The following MAD1L1 variants were observed in gnomAD, a reference collection of about 807,000 sequenced individuals.
The protein encoded by MAD1L1 is mitotic arrest deficient 1 like 1, also known as mitotic spindle assembly checkpoint protein MAD1.
Under a neutral mutation model 96.9 loss-of-function variants are expected in MAD1L1, and 95 were observed. The ratio of observed to expected loss-of-function variants is 0.98; its 90% CI spans 0.83 to 1.16. The LOEUF is 1.16. MAD1L1 is among the 50% of genes most tolerant of loss of function. The pLI is 0.00. For synonymous variants in MAD1L1, 473 were observed against 396.6 expected (o/e 1.19, Z -2.29); for missense variants, 1,007 against 954.4 (o/e 1.06, Z -0.73).
At chr7:1,975,563 A>C (rs1251642813) in intron 15 of MAD1L1, among the ~76,000 whole-genome samples, 4 of 152,212 alleles carry the variant, frequency 2.6e-5, no homozygotes, top group Admixed American at 2.0e-4. Flanking sequence ...ACCTCTATGT[A>C]GTTTCATGAG....
chr7:2,009,529 G>A (rs1401694556), intron 13 of MAD1L1, among the ~76,000 whole-genome samples: 1 of 152,196 alleles, frequency 6.6e-6, no homozygotes, highest in Non-Finnish European at 1.5e-5. Context: ...GCACACCACA[G>A]GGTCCCCACA....
At chr7:1,950,755 G>A (rs1779455876) in intron 16 of MAD1L1, among the ~76,000 whole-genome samples, 1 of 152,238 alleles carries the variant, frequency 6.6e-6, no homozygotes, top group South Asian at 2.1e-4. Context: ...CGTTGGCAAA[G>A]CTCAGCATGG....
intron 15 of MAD1L1, among the ~76,000 whole-genome samples, chr7:1,975,101 CCCAGCCAGGTGGAGGCAGCTCA>C (rs1218936141): frequency 6.6e-6 from 1 of 152,252 alleles, no homozygotes; most frequent in East Asian, 1.9e-4. Context: ...GACAGTGCTG[CCCAGCCAGGTGGAGGCAGCTCA>C]CCAGCCTTCA....
At chr7:2,080,010 G>A (rs568690409) in intron 11 of MAD1L1, 4 of 305,940 alleles carry the variant, frequency 1.3e-5, no homozygotes, top group East Asian at 2.0e-4. Flanking sequence ...CCATCCGTGC[G>A]TCCGTCAACC....
intron 12 of MAD1L1, among the ~76,000 whole-genome samples, chr7:2,060,748 C>T (rs1784628489): frequency 6.6e-6 from 1 of 152,198 alleles, no homozygotes; most frequent in South Asian, 2.1e-4. Context: ...GCTGCCAGAT[C>T]AACAGCATGT....
At chr7:2,010,298 G>C (rs1451500728) in intron 13 of MAD1L1, among the ~76,000 whole-genome samples, 1 of 152,060 alleles carries the variant, frequency 6.6e-6, no homozygotes, top group Non-Finnish European at 1.5e-5. Context: ...GAGGTCACGG[G>C]GAGGAAGGGA....
chr7:2,132,823 C>A (rs1788581660), intron 11 of MAD1L1, among the ~76,000 whole-genome samples: 1 of 152,212 alleles, frequency 6.6e-6, no homozygotes, highest in African/African-American at 2.4e-5. Context: ...GGTTCCCGAC[C>A]CCTCCAAATC....
intron 16 of MAD1L1, among the ~76,000 whole-genome samples, chr7:1,941,677 G>A (rs954388221): frequency 3.9e-5 from 6 of 152,342 alleles, no homozygotes; most frequent in African/African-American, 1.2e-4. Context: ...GGCCAAGGTC[G>A]GCGCAGGTTC....
chr7:2,139,483 T>G (rs1788919527), intron 11 of MAD1L1, among the ~76,000 whole-genome samples: 1 of 152,138 alleles, frequency 6.6e-6, no homozygotes, highest in Admixed American at 6.5e-5. Flanking sequence ...CTGCCTCTGG[T>G]CTCAGGAGGA....
At chr7:2,203,814 T>C (rs925278386) in intron 10 of MAD1L1, among the ~76,000 whole-genome samples, 11 of 152,306 alleles carry the variant, frequency 7.2e-5, no homozygotes, top group Admixed American at 5.9e-4. Context: ...TCATCAGGCA[T>C]TGCCTAGAAA....
chr7:1,849,212 CT>C (rs1463641627), intron 18 of MAD1L1: 1 of 151,894 alleles, frequency 6.6e-6, no homozygotes, highest in African/African-American at 2.4e-5. Flanking sequence ...CTGTCGAGGG[CT>C]TCTTCACTCA....
chr7:1,907,306 C>T (rs1257218396), intron 17 of MAD1L1, among the ~76,000 whole-genome samples: 3 of 152,250 alleles, frequency 2.0e-5, no homozygotes, highest in Non-Finnish European at 4.4e-5. Flanking sequence ...GGACCCCAAG[C>T]CCCAGACTCT....
At chr7:1,970,402 C>A (rs188443964) in intron 15 of MAD1L1, among the ~76,000 whole-genome samples, 13 of 142,636 alleles carry the variant, frequency 9.1e-5, no homozygotes, top group Non-Finnish European at 1.3e-4. Context: ...GGCACGATCT[C>A]GGCTCACTGC....
intron 11 of MAD1L1, among the ~76,000 whole-genome samples, chr7:2,117,063 C>G (rs961305737): frequency 6.6e-6 from 1 of 152,194 alleles, no homozygotes; most frequent in African/African-American, 2.4e-5. Flanking sequence ...GGGAACACAG[C>G]CTTTTCTAGA....
At chr7:1,931,961 G>A (rs975921006) in intron 17 of MAD1L1, among the ~76,000 whole-genome samples, 3 of 152,234 alleles carry the variant, frequency 2.0e-5, no homozygotes, top group African/African-American at 7.2e-5. Flanking sequence ...CCTGAGAAAT[G>A]TGTGTGGCAC....
intron 11 of MAD1L1, among the ~76,000 whole-genome samples, chr7:2,111,543 C>T (rs3778973): frequency 0.18 from 27,306 of 152,210 alleles, 2,896 homozygotes; most frequent in Middle Eastern, 0.33. Flanking sequence ...AGATTTGATC[C>T]CGATACGTGG....
chr7:1,840,500 C>T (rs1428954173), intron 18 of MAD1L1, among the ~76,000 whole-genome samples: 2 of 152,200 alleles, frequency 1.3e-5, no homozygotes, highest in African/African-American at 2.4e-5. Flanking sequence ...GAGGCCAAGG[C>T]AGATGGATCA....
At chr7:2,199,000 C>T (rs73041325) in intron 10 of MAD1L1, among the ~76,000 whole-genome samples, 3,265 of 152,336 alleles carry the variant, frequency 0.021, 58 homozygotes, top group Non-Finnish European at 0.028. Context: ...TGGGATCCCC[C>T]CTTCACAGTC....
At chr7:1,876,986 T>C (rs536887486) in intron 18 of MAD1L1, among the ~76,000 whole-genome samples, 32 of 140,434 alleles carry the variant, frequency 2.3e-4, no homozygotes, top group African/African-American at 8.2e-4. Context: ...CGTATTTAAA[T>C]AGGTGAATAC....
Sources: allele counts gnomAD v4.1 joint callset (sites outside exome capture counted in the v4.1 genomes callset), GRCh38; gene constraint gnomAD v4.1.1; transcripts MANE v1.5; gene names NCBI Gene and HGNC (gene_info 2026-07-23, HGNC 2026-07-21).